CNTRL: variants seen among roughly 807,000 people sequenced by gnomAD.
The protein encoded by CNTRL is centriolin, also known as 110 kDa centrosomal protein.
CNTRL carries 233 observed loss-of-function variants against 303.7 expected under a neutral mutation model. That is an observed-to-expected ratio of 0.77 (90% confidence interval 0.69 to 0.86). The LOEUF is 0.86. Among genes scored for constraint, CNTRL ranks in the 40% least tolerant of loss-of-function variants. The probability of loss-of-function intolerance (pLI) is 0.00; values close to 1 mark genes in which losing one functional copy is unlikely to be tolerated. For synonymous variants in CNTRL, 900 were observed against 922.2 expected (o/e 0.98, Z 0.44); for missense variants, 2,524 against 2,650.6 (o/e 0.95, Z 1.05).
Position 121,173,666 on chromosome 9 carries a change from C to CT in CNTRL, c.6685-8dup, listed in dbSNP as rs780485500. 42 of 1,613,960 alleles carry CT rather than the reference C, an allele frequency of 2.6e-5. 1 individual carries two copies. In the African/African-American group the frequency reaches 4.8e-4, roughly 18 times the overall value. On this transcript the variant is annotated splice_polypyrimidine_tract_variant and intron_variant, in intron 41 of 43. Coordinates refer to ENST00000373855, the MANE Select transcript of CNTRL (RefSeq NM_007018.6). ...GATTCATGATATCTCTATTTTCCCT[C>CT]TGAGAAAGGATGAACACTGGCGTGG...
At chr9:121,172,063 C>T (rs143154323) in intron 40 of CNTRL, among the ~76,000 whole-genome samples, 3 of 152,322 alleles carry the variant, frequency 2.0e-5, no homozygotes, top group African/African-American at 7.2e-5. Context: ...GCTGTAGCCA[C>T]TCATTTGGCC....
At chr9:121,164,514 A>G (rs1357020048) in intron 34 of CNTRL, among the ~76,000 whole-genome samples, 1 of 152,250 alleles carries the variant, frequency 6.6e-6, no homozygotes, top group Non-Finnish European at 1.5e-5. Flanking sequence ...ATGAATCTCA[A>G]AGTAACTACG....
At position 121,107,796 on chromosome 9, in the gene CNTRL, T is replaced by A. The variant is rs1321495589; in HGVS notation, c.809-6T>A. The A allele has an allele frequency of 1.3e-6, 2 of 1,506,932 alleles. No homozygotes were observed. The highest frequency in any genetic ancestry group is 1.8e-6 in the Non-Finnish European group (2 of 1,127,216). 93.3% of individuals were successfully genotyped at this position (1,506,932 alleles called of 1,614,324 possible). ...GATAAATAAACTATTAAATTTTCAT[T>A]GGCAGAAGAGGTAGAAAGACTGGAA... On this transcript the variant is annotated splice_polypyrimidine_tract_variant and splice_region_variant and intron_variant, in intron 7 of 43. Transcript: ENST00000373855.
intron 14 of CNTRL, among the ~76,000 whole-genome samples, chr9:121,133,212 G>T (rs1226032269): frequency 2.6e-5 from 4 of 152,214 alleles, no homozygotes; most frequent in Non-Finnish European, 4.4e-5. Context: ...AGAAGTTTCT[G>T]CTGCCTTTTG....
intron 24 of CNTRL, among the ~76,000 whole-genome samples, chr9:121,149,479 G>A (rs2052086878): frequency 2.0e-5 from 3 of 151,392 alleles, no homozygotes; most frequent in African/African-American, 7.3e-5. Flanking sequence ...TTGGCTTACT[G>A]CAACCTCCGC....
rs1447960531 is a variant in CNTRL, at chr9:121,150,439, C to G, written c.3919C>G (p.Pro1307Ala). Residue 1307 changes from proline to alanine, a missense_variant, in exon 25 of 44, where the codon CCT becomes GCT. Pro to Ala is a conservative substitution (Grantham distance 27). Transcript: ENST00000373855. Reference protein sequence around the residue: ...PPPNFSIPFIPMGVLHCNVPE... With the variant: ...PPPNFSIPFIAMGVLHCNVPE... ...CCCCAACTTCTCCATCCCCTTCATC[C>G]CTATGGGTGTGCTGCATTGCAACGT... 2 of 1,614,058 alleles carry G rather than the reference C, an allele frequency of 1.2e-6. No homozygotes were observed. The highest frequency in any genetic ancestry group is 2.7e-5 in the African/African-American group (2 of 74,936).
Position 121,113,727 on chromosome 9 carries a change from TAA to T in CNTRL, c.1345+9_1345+10del, listed in dbSNP as rs781258094. 3 of 1,501,112 alleles carry T rather than the reference TAA, an allele frequency of 2.0e-6. No individual in the cohort carries two copies. Among genetic ancestry groups the T allele is most frequent in the East Asian group, 4.7e-5 (2 of 42,124 alleles). 93.0% of individuals were successfully genotyped at this position (1,501,112 alleles called of 1,614,324 possible). The stretch of plus-strand genomic sequence containing the variant: ...CAAAGAAAAAAAAATAAGTGCAGGT[TAA>T]AAAAAGTTATTTTAAATTCTTTAAA... On this transcript the variant is annotated splice_donor_5th_base_variant and intron_variant, in intron 10 of 43. Transcript: ENST00000373855.
rs1338781101 is a variant in CNTRL at position 121,096,338 on chromosome 9, A to T, written c.480-84A>T. On this transcript the variant is annotated intron_variant, in intron 5 of 43. Coordinates refer to ENST00000373855, the MANE Select transcript of CNTRL (RefSeq NM_007018.6). The stretch of plus-strand genomic sequence containing the variant: ...CATTATGAAAAGTAATCTAACATGG[A>T]GCTAAAGCTGTTTATTCTAAAAATA... 3.9e-6 allele frequency: 3 copies of T among 773,682 alleles called. No homozygotes were observed. In the East Asian group the frequency reaches 9.2e-5, roughly 24 times the overall value. The allele number at this position is 773,682 out of a possible 1,614,324, so 47.9% of individuals were successfully genotyped here.
intron 8 of CNTRL, among the ~76,000 whole-genome samples, chr9:121,108,220 A>G (rs1315129182): frequency 1.3e-5 from 2 of 152,208 alleles, no homozygotes; most frequent in Non-Finnish European, 2.9e-5. Context: ...AGATATTTGT[A>G]TTTTTTAAAA....
Position 121,092,768 on chromosome 9 carries a change from T to A in CNTRL, c.349-2120T>A, listed in dbSNP as rs866486853. ...TATATATAATATATATCTATATATATTATATATATCTATATAGATATGTAA... is the reference window on the plus strand; with the variant it reads ...TATATATAATATATATCTATATATAATATATATATCTATATAGATATGTAA... On this transcript the variant is annotated intron_variant, in intron 4 of 43. Coordinates refer to ENST00000373855, the MANE Select transcript of CNTRL (RefSeq NM_007018.6). Among the ~76,000 whole-genome samples the A allele has an allele frequency of 2.0e-5, 2 of 102,110 alleles. 1 individual carries two copies. The highest frequency in any genetic ancestry group is 3.7e-5 in the Non-Finnish European group (2 of 54,192). The allele number at this position is 102,110 out of a possible 152,430, so 67.0% of individuals were successfully genotyped here. A position where few individuals can be genotyped will look rare whatever the true frequency, so the allele number is the denominator to read the frequency against.
At chr9:121,099,927 G>A (rs943580415) in intron 7 of CNTRL, among the ~76,000 whole-genome samples, 1 of 152,170 alleles carries the variant, frequency 6.6e-6, no homozygotes, top group African/African-American at 2.4e-5. Flanking sequence ...CCAAATCTAC[G>A]ATTGAATGGT....
Position 121,137,573 on chromosome 9 carries a change from T to C in CNTRL, c.2203-972T>C, listed in dbSNP as rs867716890. Among the ~76,000 whole-genome samples, 4 of 152,368 alleles carry C rather than the reference T, an allele frequency of 2.6e-5. No individual in the cohort carries two copies. The South Asian group carries it at 8.3e-4, about 32-fold the overall frequency. On this transcript the variant is annotated intron_variant, in intron 15 of 43. Transcript: ENST00000373855. Reference sequence around the variant, plus strand: ...TATCTGGTTTATTATAGTAATTATGTATATTTCTTTACTTATGAGATATCA... The same window carrying C: ...TATCTGGTTTATTATAGTAATTATGCATATTTCTTTACTTATGAGATATCA...
At chr9:121,176,769 G>T (rs1310244447) in intron 43 of CNTRL, among the ~76,000 whole-genome samples, 1 of 152,184 alleles carries the variant, frequency 6.6e-6, no homozygotes, top group Non-Finnish European at 1.5e-5. Flanking sequence ...TGGCTTCTGA[G>T]CGTAACATTT....
chr9:121,143,556 A>G (rs1263072675), intron 19 of CNTRL, among the ~76,000 whole-genome samples: 2 of 152,072 alleles, frequency 1.3e-5, no homozygotes, highest in African/African-American at 4.8e-5. Flanking sequence ...TCCTCCTATC[A>G]TTTTCTCAAA....
intron 7 of CNTRL, among the ~76,000 whole-genome samples, chr9:121,105,794 A>G (rs557462751): frequency 1.3e-5 from 2 of 152,312 alleles, no homozygotes; most frequent in Non-Finnish European, 2.9e-5. Flanking sequence ...AGGAGTAGTT[A>G]AGGAATAGTG....
rs111488540 is a variant in CNTRL at position 121,170,205 on chromosome 9, G to A, written c.6276+389G>A. On this transcript the variant is annotated intron_variant, in intron 39 of 43. Coordinates refer to ENST00000373855, the MANE Select transcript of CNTRL (RefSeq NM_007018.6). ...TGTCTCCCATGCTAGATTGAGTGGC[G>A]CAATCTCAGCTCACTGCAGCCTCTG... 2.6e-3 allele frequency among the ~76,000 whole-genome samples: 401 copies of A among 152,250 alleles called. 3 individuals carry two copies. The highest frequency in any genetic ancestry group is 7.5e-3 in the African/African-American group (312 of 41,542).
At chr9:121,129,501 G>C (rs1215428475) in intron 14 of CNTRL, among the ~76,000 whole-genome samples, 1 of 152,208 alleles carries the variant, frequency 6.6e-6, no homozygotes, top group Non-Finnish European at 1.5e-5. Context: ...CTGAGACTTT[G>C]CTGAAGTTGC....
At position 121,146,193 on chromosome 9, in the gene CNTRL, C is replaced by A; in HGVS notation, c.3396C>A (p.Ser1132Arg). 1.9e-6 allele frequency: 3 copies of A among 1,613,544 alleles called. No homozygotes were observed. Among genetic ancestry groups the A allele is most frequent in the Non-Finnish European group, 2.5e-6 (3 of 1,179,850 alleles). The change falls in exon 23 of 44, where the codon AGC becomes AGA. Residue 1132 changes from serine (S) to arginine (R), a missense_variant. Transcript: ENST00000373855. ...EVSYQNDYIS[S>R]MADPFKRRGY... Reference sequence around the variant, plus strand: ...CTTATCAGAATGATTACATAAGCAGCATGGCAGATCCTTTCAAAAGACGAG... The same window carrying A: ...CTTATCAGAATGATTACATAAGCAGAATGGCAGATCCTTTCAAAAGACGAG...
chr9:121,153,622 C>T (rs1422781312), intron 26 of CNTRL, among the ~76,000 whole-genome samples: 2 of 152,210 alleles, frequency 1.3e-5, no homozygotes, highest in Non-Finnish European at 2.9e-5. Flanking sequence ...GCTGGACCTC[C>T]ATCTCTGTGT....
Sources: gnomAD v4.1 joint callset for allele counts (sites outside exome capture counted in the v4.1 genomes callset) on GRCh38, gnomAD v4.1.1 for gene constraint, MANE v1.5 for transcripts, NCBI Gene and HGNC (gene_info 2026-07-23, HGNC 2026-07-21) for gene names.